Variants in SBF1 observed in about 807,000 individuals in gnomAD.
The protein encoded by SBF1 is SET binding factor 1, also known as myotubularin-related protein 5.
SBF1 carries 65 observed loss-of-function variants against 215.8 expected under a neutral mutation model. The observed-to-expected ratio is 0.30, with a 90% confidence interval of 0.25 to 0.37. The LOEUF is 0.37. Among genes scored for constraint, SBF1 ranks in the 10% least tolerant of loss-of-function variants. SBF1 has a pLI of 1.00. For synonymous variants in SBF1, 1,410 were observed against 1,122.8 expected, an observed-to-expected ratio of 1.26 and a Z score of -5.11; for missense variants, 2,634 against 2,667.8, an observed-to-expected ratio of 0.99 and a Z score of 0.28.
At position 50,445,961 on chromosome 22, in the gene SBF1, C is replaced by G. The variant is rs2066792738; in HGVS notation, c.*1181G>C. 1 of 154,096 alleles carries G rather than the reference C, an allele frequency of 6.5e-6. No homozygotes were observed. The highest frequency in any genetic ancestry group is 1.4e-5 in the Non-Finnish European group (1 of 69,542). 9.5% of individuals were successfully genotyped at this position (154,096 alleles called of 1,614,324 possible). ...GAGGGACCCAGCCTCTAGCCAGGTT[C>G]TCTGCCCCTCACCAGCCCCTCTGGC... On this transcript the variant is annotated 3_prime_UTR_variant, in exon 41 of 41. Coordinates refer to ENST00000380817, the MANE Select transcript of SBF1 (RefSeq NM_002972.4).
Position 50,457,026 on chromosome 22 carries a change from T to C in SBF1, c.3904+8A>G. ...GGGAGGCGGGCCTGCGCAGGCTCGG[T>C]ACGGTACCTCGGGGTGCGGTCCGTC... On this transcript the variant is annotated splice_region_variant and intron_variant, in intron 29 of 40. Transcript: ENST00000380817. 7.0e-7 allele frequency: 1 copy of C among 1,427,728 alleles called. No individual in the cohort carries two copies. Among genetic ancestry groups the C allele is most frequent in the Non-Finnish European group, 9.2e-7 (1 of 1,092,884 alleles). 88.4% of individuals were successfully genotyped at this position (1,427,728 alleles called of 1,614,324 possible). A position where few individuals can be genotyped will look rare whatever the true frequency, so the allele number is the denominator to read the frequency against.
intron 38 of SBF1, 49 bp downstream of exon 38, chr22:50,448,184 G>A: frequency 6.4e-7 from 1 of 1,574,456 alleles, no homozygotes; most frequent in Non-Finnish European, 8.7e-7. Flanking sequence ...TGGGACCCCA[G>A]AACACCAGCT....
rs988755917 is a variant in SBF1 at position 50,460,257 on chromosome 22, C to A, written c.3283+15G>T. The A allele has an allele frequency of 3.7e-6, 6 of 1,601,012 alleles. No individual in the cohort carries two copies. The Admixed American group carries it at 5.0e-5, about 13-fold the overall frequency. On this transcript the variant is annotated intron_variant, in intron 25 of 40. Coordinates refer to ENST00000380817, the MANE Select transcript of SBF1 (RefSeq NM_002972.4). ...CATCCAGAGACCACCCAGGACTCCA[C>A]CCCCACCCCTCCACCTGAGATCTCG...
At position 50,446,237 on chromosome 22, in the gene SBF1, T is replaced by G. The variant is rs2066802347; in HGVS notation, c.*905A>C. ...CAGGGAAAGGACTTTTGGGGCAGAA[T>G]TCCCAAGAACTGAGAGGGTCCATCC... On this transcript the variant is annotated 3_prime_UTR_variant, in exon 41 of 41. Coordinates refer to ENST00000380817, the MANE Select transcript of SBF1 (RefSeq NM_002972.4). The G allele has an allele frequency of 6.6e-6, 1 of 152,042 alleles. No individual in the cohort carries two copies. Among genetic ancestry groups the G allele is most frequent in the African/African-American group, 2.4e-5 (1 of 41,400 alleles). The allele number at this position is 152,042 out of a possible 1,614,324, so 9.4% of individuals were successfully genotyped here.
chr22:50,446,789 A>C lies in SBF1; in HGVS notation c.*353T>G. 1.7e-6 allele frequency: 1 copy of C among 583,390 alleles called. No homozygotes were observed. Among genetic ancestry groups the C allele is most frequent in the Non-Finnish European group, 3.3e-6 (1 of 304,978 alleles). 36.1% of individuals were successfully genotyped at this position (583,390 alleles called of 1,614,324 possible). On this transcript the variant is annotated 3_prime_UTR_variant, in exon 41 of 41. Coordinates refer to ENST00000380817, the MANE Select transcript of SBF1 (RefSeq NM_002972.4). Reference sequence around the variant, plus strand: ...AGAGCAGGCAGCCGGGGAGTGGGGAAGGCAGGCACAGGAGCGTGGCGTTAG... The same window carrying C: ...AGAGCAGGCAGCCGGGGAGTGGGGACGGCAGGCACAGGAGCGTGGCGTTAG...
At chr22:50,462,150 C>T in intron 19 of SBF1, 31 bp from the exon 20 acceptor site, 1 of 1,609,610 alleles carries the variant, frequency 6.2e-7, no homozygotes, top group Non-Finnish European at 8.5e-7. Flanking sequence ...TGGGCATGGG[C>T]CCTGCCCACC....
At chr22:50,465,706 G>C (rs925313713) in intron 10 of SBF1, 57 bp downstream of exon 10, 3 of 1,491,494 alleles carry the variant, frequency 2.0e-6, no homozygotes, top group Non-Finnish European at 2.7e-6. Flanking sequence ...CAGCAGACCT[G>C]AGTGGGGGCA....
At chr22:50,472,116 T>A (rs929218441) in intron 1 of SBF1, among the ~76,000 whole-genome samples, 11 of 152,160 alleles carry the variant, frequency 7.2e-5, no homozygotes, top group Non-Finnish European at 1.5e-4. Context: ...GCACAGAAGG[T>A]GATCCCTGAC....
Position 50,464,636 on chromosome 22 carries a change from T to C in SBF1, c.1534A>G (p.Thr512Ala). 1 of 1,610,330 alleles carries C rather than the reference T, an allele frequency of 6.2e-7. No homozygotes were observed. The highest frequency in any genetic ancestry group is 8.5e-7 in the Non-Finnish European group (1 of 1,179,816). The change falls in exon 14 of 41, where the codon ACC (threonine) becomes GCC (alanine). Residue 512 changes from threonine to alanine, a missense_variant. By Grantham distance (58) the Thr-to-Ala change is moderately conservative. Coordinates refer to ENST00000380817, the MANE Select transcript of SBF1 (RefSeq NM_002972.4). ...GCCTGGTCCACGATCCACTGCACGG[T>C]GCCCTCATCCAGCCGGGGGAAGGGT... Reference protein sequence around the residue: ...PRPFPRLDEGTVQWIVDQAAA... With the variant: ...PRPFPRLDEGAVQWIVDQAAA...
In SBF1 at chr22:50,462,456, A is replaced by T. The variant is rs937493029; in HGVS notation, c.2145T>A (p.Pro715=). The change falls in exon 19 of 41, where the codon CCT becomes CCA. Residue 715 remains proline, a synonymous_variant. Coordinates refer to ENST00000380817, the MANE Select transcript of SBF1 (RefSeq NM_002972.4). The stretch of plus-strand genomic sequence containing the variant: ...GGGCAGAGCGCTCGTCCTCCTGGGA[A>T]GGTGCCTCCCCAACCTCCTGCCACG... The part of the protein sequence containing the change: ...LAPAQEVGEA[P]SQEDERSALD... 2.1e-5 allele frequency: 34 copies of T among 1,613,718 alleles called. No homozygotes were observed. Among genetic ancestry groups the T allele is most frequent in the Non-Finnish European group, 2.6e-5 (31 of 1,179,928 alleles).
chr22:50,449,047 A>C (rs2066943276), intron 36 of SBF1, among the ~76,000 whole-genome samples: 1 of 152,008 alleles, frequency 6.6e-6, no homozygotes. Flanking sequence ...AAAATACAAA[A>C]AGTTAGCCCA....
chr22:50,461,133 A>AGCCCCACCCGCGCACCGC, intron 23 of SBF1, 26 bp downstream of exon 23: 2 of 1,571,054 alleles, frequency 1.3e-6, no homozygotes, highest in Non-Finnish European at 1.7e-6. Flanking sequence ...GGGGGATGAG[A>AGCCCCACCCGCGCACCGC]GCCCCACCCG....
chr22:50,460,487 G>A (rs572467490), intron 24 of SBF1, 47 bp downstream of exon 24: 12 of 1,609,610 alleles, frequency 7.5e-6, no homozygotes, highest in Middle Eastern at 3.3e-4. Flanking sequence ...GTTGGAGCGG[G>A]AACACGGCTG....
At position 50,461,549 on chromosome 22, in the gene SBF1, A is replaced by C; in HGVS notation, c.2813T>G (p.Phe938Cys). Residue 938 changes from phenylalanine (F) to cysteine (C), a missense_variant, in exon 22 of 41, where the codon TTC (phenylalanine) becomes TGC (cysteine). Phe to Cys is a radical substitution (Grantham distance 205). Transcript: ENST00000380817. ...CAGGGGGTCCGTGGGCATCCCCGTG[A>C]AGATGACCCGGTACGTGGTGAGGAA... ...AVFLTTYRVI[F>C]TGMPTDPLVG... is the part of the protein sequence containing the mutation. 1 of 1,605,246 alleles carries C rather than the reference A, an allele frequency of 6.2e-7. No individual in the cohort carries two copies. The highest frequency in any genetic ancestry group is 1.1e-5 in the South Asian group (1 of 90,900).
chr22:50,465,776 G>A lies in SBF1; in HGVS notation c.1076C>T (p.Ser359Phe), dbSNP rs753378000. 2.5e-6 allele frequency: 4 copies of A among 1,607,504 alleles called. No individual in the cohort carries two copies. The African/African-American group carries it at 4.0e-5, about 16-fold the overall frequency. Reference sequence around the variant, plus strand: ...AACGACCCCCACCTGCATCTTCAGGGAGGAGGTGGATGTCGTGGGCGGAGG... The same window carrying A: ...AACGACCCCCACCTGCATCTTCAGGAAGGAGGTGGATGTCGTGGGCGGAGG... ...AFPPPTTSTS[S>F]LKMQDKELRA... Residue 359 changes from serine (S) to phenylalanine (F), a missense_variant, in exon 10 of 41, where the codon TCC (serine) becomes TTC (phenylalanine). Ser to Phe is a radical substitution (Grantham distance 155). Transcript: ENST00000380817.
rs370463792 is a variant in SBF1, at chr22:50,461,577, C to T, written c.2785G>A (p.Val929Ile). 372 of 1,611,694 alleles carry T rather than the reference C, an allele frequency of 2.3e-4. 2 individuals carry two copies. In the African/African-American group the frequency reaches 3.8e-3, roughly 16 times the overall value. Residue 929 changes from valine to isoleucine, a missense_variant, in exon 22 of 41, where the codon GTC (valine) becomes ATC (isoleucine). Coordinates refer to ENST00000380817, the MANE Select transcript of SBF1 (RefSeq NM_002972.4). ...GPALLPAEGAVFLTTYRVIFT... is the reference protein window; with the variant it reads ...GPALLPAEGAIFLTTYRVIFT... ...ATGACCCGGTACGTGGTGAGGAAGA[C>T]GGCGCCCTCAGCTGGGAGCAATGCT...
chr22:50,464,815 G>T lies in SBF1; in HGVS notation c.1431+4C>A, dbSNP rs530337132. ...GACGCCCTCCCGTCCTGCTACCCTC[G>T]TACGTTCTTGTAGAGCTGCTCTGCC... is the stretch of plus-strand genomic sequence containing the variant. On this transcript the variant is annotated splice_donor_region_variant and intron_variant, in intron 13 of 40. Transcript: ENST00000380817. 3 of 1,613,394 alleles carry T rather than the reference G, an allele frequency of 1.9e-6. No homozygotes were observed. The highest frequency in any genetic ancestry group is 2.7e-5 in the African/African-American group (2 of 74,944).
Position 50,456,623 on chromosome 22 carries a change from C to T in SBF1, c.3955G>A (p.Asp1319Asn), listed in dbSNP as rs551118949. 99 of 1,517,940 alleles carry T rather than the reference C, an allele frequency of 6.5e-5. No individual in the cohort carries two copies. The highest frequency in any genetic ancestry group is 1.8e-4 in the Middle Eastern group (1 of 5,638). The allele number at this position is 1,517,940 out of a possible 1,614,324, so 94.0% of individuals were successfully genotyped here. The change falls in exon 30 of 41, where the codon GAT becomes AAT. Residue 1319 changes from aspartate (D) to asparagine (N), a missense_variant. Coordinates refer to ENST00000380817, the MANE Select transcript of SBF1 (RefSeq NM_002972.4). ...TSGRSSGLGT[D>N]VGSRLAGRDA... ...CTGCCAGCTAGCCGGGAGCCCACAT[C>T]GGTGCCAAGGCCACTGCTGCGTCCA...
intron 1 of SBF1, among the ~76,000 whole-genome samples, chr22:50,473,486 AAGAC>A (rs1232651179): frequency 1.3e-5 from 2 of 152,126 alleles, no homozygotes; most frequent in African/African-American, 4.8e-5. Flanking sequence ...TCTAAAGAAA[AAGAC>A]AGATGCTCAT....
Sources: gnomAD v4.1 joint callset for allele counts (sites outside exome capture counted in the v4.1 genomes callset) on GRCh38, gnomAD v4.1.1 for gene constraint, MANE v1.5 for transcripts, NCBI Gene and HGNC (gene_info 2026-07-23, HGNC 2026-07-21) for gene names.